SFI1: variants seen among roughly 807,000 people sequenced by gnomAD.
SFI1 encodes protein SFI1 homolog.
In SFI1, 195 loss-of-function variants were observed where a neutral mutation model predicts 207.5. The observed-to-expected ratio is 0.94, with a 90% CI of 0.84 to 1.06. SFI1 has a LOEUF of 1.06. Among genes scored for constraint, SFI1 ranks in the 50% least tolerant of loss-of-function variants. The pLI, the probability that SFI1 is intolerant of heterozygous loss-of-function variation, is 0.00. For synonymous variants in SFI1, 630 were observed against 598.9 expected (o/e 1.05, Z -0.76); for missense variants, 1,634 against 1,588.0 (o/e 1.03, Z -0.49).
chr22:31,535,247 T>C (rs2058876852), intron 4 of SFI1, among the ~76,000 whole-genome samples: 1 of 148,120 alleles, frequency 6.8e-6, no homozygotes. Context: ...TGGAGTGCAA[T>C]GACGCGATCT....
In SFI1 at chr22:31,514,528, A is replaced by AT. The variant is rs1311490558; in HGVS notation, c.92+6152_92+6153insT. 6.0e-5 allele frequency among the ~76,000 whole-genome samples: 9 copies of AT among 150,786 alleles called. No individual in the cohort carries two copies. In the South Asian group the frequency reaches 6.4e-4, roughly 11 times the overall value. On this transcript the variant is annotated intron_variant, in intron 2 of 32. Coordinates refer to ENST00000400288, the MANE Select transcript of SFI1 (RefSeq NM_001007467.3). ...GTCTCAAAAAAAAAAAAAAAAAAAAAAAATCAACTGTATTTCTCCTATTTA... is the reference window on the plus strand; with the variant it reads ...GTCTCAAAAAAAAAAAAAAAAAAAAATAAATCAACTGTATTTCTCCTATTTA...
chr22:31,584,964 T>C (rs1870765295), intron 13 of SFI1, 104 bp from the exon 14 acceptor site: 1 of 802,346 alleles, frequency 1.2e-6, no homozygotes. Flanking sequence ...AGTAAGCCCA[T>C]GGGGTGCCTT....
At position 31,618,157 on chromosome 22, in the gene SFI1, G is replaced by T; in HGVS notation, c.3555G>T (p.Glu1185Asp). 6.3e-7 allele frequency: 1 copy of T among 1,591,196 alleles called. No individual in the cohort carries two copies. ...RQASSLRRWLELNREEPGPED... is the reference protein window; with the variant it reads ...RQASSLRRWLDLNREEPGPED... ...CGAGCAGCCTGCGCAGGTGGCTGGA[G>T]CTGAACAGAGAGGAGCCGGGGCCTG... Residue 1185 changes from glutamate to aspartate, a missense_variant, in exon 32 of 33, where the codon GAG becomes GAT. By Grantham distance (45) the Glu-to-Asp change is conservative. Coordinates refer to ENST00000400288, the MANE Select transcript of SFI1 (RefSeq NM_001007467.3).
intron 3 of SFI1, among the ~76,000 whole-genome samples, chr22:31,530,353 A>G (rs1326595885): frequency 1.4e-5 from 2 of 147,346 alleles, no homozygotes; most frequent in Non-Finnish European, 3.0e-5. Context: ...AGCCAGGTGC[A>G]GTGGCGGGTG....
At chr22:31,577,469 G>T (rs116029321) in intron 10 of SFI1, among the ~76,000 whole-genome samples, 4 of 152,078 alleles carry the variant, frequency 2.6e-5, no homozygotes, top group Non-Finnish European at 5.9e-5. Flanking sequence ...TTTCACAGGC[G>T]CAATGGTAGC....
chr22:31,605,117 CTT>C (rs1319472071), intron 20 of SFI1, 172 bp downstream of exon 20: 1 of 574,258 alleles, frequency 1.7e-6, no homozygotes, highest in African/African-American at 1.9e-5. Flanking sequence ...GCCTTCATGT[CTT>C]AAGCCCCTGC....
At chr22:31,561,542 G>A (rs2061703640) in intron 8 of SFI1, 150 bp downstream of exon 8, 1 of 642,978 alleles carries the variant, frequency 1.6e-6, no homozygotes, top group African/African-American at 1.8e-5. Flanking sequence ...CTTCCAGAGG[G>A]AGGCTGCTGT....
intron 24 of SFI1, 68 bp downstream of exon 24, chr22:31,611,908 T>C: frequency 1.3e-6 from 2 of 1,594,922 alleles, no homozygotes; most frequent in Non-Finnish European, 1.7e-6. Context: ...GCCTGGGCAG[T>C]GAATGACCTT....
intron 2 of SFI1, among the ~76,000 whole-genome samples, chr22:31,514,229 G>A (rs937438122): frequency 6.6e-5 from 10 of 151,814 alleles, no homozygotes; most frequent in Admixed American, 5.9e-4. Flanking sequence ...CAACTGGCCG[G>A]GTGCGGTGGC....
intron 6 of SFI1, among the ~76,000 whole-genome samples, chr22:31,553,164 T>C (rs2060781529): frequency 6.6e-6 from 1 of 152,220 alleles, no homozygotes; most frequent in Non-Finnish European, 1.5e-5. Flanking sequence ...TAACAGTCGT[T>C]CTGACTAGTG....
chr22:31,602,223 A>G lies in SFI1; in HGVS notation c.1556A>G (p.Glu519Gly), dbSNP rs1024523718. Residue 519 changes from glutamate (E) to glycine (G), a missense_variant, in exon 16 of 33, where the codon GAG becomes GGG. Glu to Gly is a moderately conservative substitution (Grantham distance 98). Coordinates refer to ENST00000400288, the MANE Select transcript of SFI1 (RefSeq NM_001007467.3). The stretch of plus-strand genomic sequence containing the variant: ...TCCTTGTTTTTTAGGGAGACATTAG[A>G]GAAGCAAGTATTTTCTCTCTGGAGG... ...RATRFHRETL[E>G]KQVFSLWRQK... 2 of 1,614,054 alleles carry G rather than the reference A, an allele frequency of 1.2e-6. No individual in the cohort carries two copies. Among genetic ancestry groups the G allele is most frequent in the Non-Finnish European group, 1.7e-6 (2 of 1,179,886 alleles).
chr22:31,615,796 G>A (rs527926647), intron 29 of SFI1: 1 of 153,570 alleles, frequency 6.5e-6, no homozygotes, highest in African/African-American at 2.4e-5. Context: ...TGCTGAATGA[G>A]GGGAAAGAAG....
intron 15 of SFI1, among the ~76,000 whole-genome samples, chr22:31,596,599 T>C (rs2067146278): frequency 3.9e-5 from 6 of 151,948 alleles, no homozygotes; most frequent in Admixed American, 3.9e-4. Context: ...GAGACCAGTC[T>C]GACCAACATG....
At position 31,602,621 on chromosome 22, in the gene SFI1, A is replaced by G; in HGVS notation, c.1641A>G (p.Ala547=). Residue 547 remains alanine, a synonymous_variant, in exon 17 of 33, where the codon GCA becomes GCG. Transcript: ENST00000400288. ...RLAERMAILH[A]ERQLLYRSWF... ...TCCTGCCTCAGGCCATCCTTCACGC[A>G]GAGCGACAGCTTCTGTATAGGTCTT... 6.2e-7 allele frequency: 1 copy of G among 1,614,098 alleles called. No individual in the cohort carries two copies. The highest frequency in any genetic ancestry group is 8.5e-7 in the Non-Finnish European group (1 of 1,180,024).
rs770683948 is a variant in SFI1 at position 31,589,441 on chromosome 22, C to T, written c.1414-6C>T. ...AGTACAAAGGTTATTCATTCTTTTACTTTAGCTGCTACAGGCCAGAGCGGA... is the reference window on the plus strand; with the variant it reads ...AGTACAAAGGTTATTCATTCTTTTATTTTAGCTGCTACAGGCCAGAGCGGA... On this transcript the variant is annotated splice_region_variant and splice_polypyrimidine_tract_variant and intron_variant, in intron 14 of 32. Coordinates refer to ENST00000400288, the MANE Select transcript of SFI1 (RefSeq NM_001007467.3). 4.5e-5 allele frequency: 72 copies of T among 1,589,076 alleles called. No homozygotes were observed. Among genetic ancestry groups the T allele is most frequent in the Non-Finnish European group, 5.9e-5 (69 of 1,172,420 alleles).
At chr22:31,589,211 C>CGTGTGTGT (rs10597618) in intron 14 of SFI1, among the ~76,000 whole-genome samples, 4 of 149,742 alleles carry the variant, frequency 2.7e-5, no homozygotes, top group Non-Finnish European at 5.9e-5. Flanking sequence ...TATGTGTGTG[C>CGTGTGTGT]GTGTGTGTGT....
At chr22:31,597,629 A>G (rs766845282) in intron 15 of SFI1, among the ~76,000 whole-genome samples, 2 of 152,198 alleles carry the variant, frequency 1.3e-5, no homozygotes, top group Non-Finnish European at 2.9e-5. Flanking sequence ...GTAAAATGCA[A>G]ACCAAGGGCC....
At chr22:31,541,123 A>T (rs772166292) in intron 4 of SFI1, among the ~76,000 whole-genome samples, 21 of 152,066 alleles carry the variant, frequency 1.4e-4, no homozygotes, top group Non-Finnish European at 2.9e-4. Context: ...CTGTGTTTTC[A>T]TCTCAGTCCA....
At chr22:31,566,769 T>C (rs188444895) in intron 8 of SFI1, among the ~76,000 whole-genome samples, 1 of 152,324 alleles carries the variant, frequency 6.6e-6, no homozygotes, top group Admixed American at 6.5e-5. Context: ...ACTTGACATA[T>C]AGTTCTCAAG....
Sources: allele counts gnomAD v4.1 joint callset (sites outside exome capture counted in the v4.1 genomes callset), GRCh38; gene constraint gnomAD v4.1.1; transcripts MANE v1.5; gene names NCBI Gene and HGNC (gene_info 2026-07-23, HGNC 2026-07-21).